Variants in HECW1 observed in about 807,000 individuals in gnomAD.
HECW1 encodes HECT, C2 and WW domain containing E3 ubiquitin protein ligase 1, also known as E3 ubiquitin-protein ligase HECW1.
In HECW1, 61 loss-of-function variants were observed where a neutral mutation model predicts 182.3. That is an observed-to-expected ratio of 0.33 (90% confidence interval 0.27 to 0.41). HECW1 has a LOEUF of 0.41. HECW1 is among the 10% of genes least tolerant of loss of function. HECW1 has a pLI of 1.00. For missense variants in HECW1, 1,739 were observed against 2,108.9 expected (o/e 0.82, Z 3.44); for synonymous variants, 859 against 832.6 (o/e 1.03, Z -0.55).
chr7:43,458,166 G>T (rs1371815744), intron 13 of HECW1, among the ~76,000 whole-genome samples: 2 of 152,216 alleles, frequency 1.3e-5, no homozygotes. Context: ...CTTACATAGA[G>T]ACCCTGTTGA....
chr7:43,322,184 C>T (rs775576346), intron 5 of HECW1, among the ~76,000 whole-genome samples: 1 of 152,316 alleles, frequency 6.6e-6, no homozygotes, highest in Non-Finnish European at 1.5e-5. Flanking sequence ...ATTCTGCTGA[C>T]TCAGCCTCCC....
At chr7:43,556,730 G>A (rs534279998) in intron 29 of HECW1, among the ~76,000 whole-genome samples, 11 of 151,602 alleles carry the variant, frequency 7.3e-5, no homozygotes, top group South Asian at 2.1e-4. Context: ...AGAAAAGACC[G>A]TGCTGAGGAG....
chr7:43,219,905 G>A (rs919523328), intron 2 of HECW1, among the ~76,000 whole-genome samples: 20 of 152,240 alleles, frequency 1.3e-4, no homozygotes, highest in African/African-American at 4.6e-4. Context: ...TCTTTTGTGG[G>A]CAGGAAATGG....
Position 43,508,079 on chromosome 7 carries a change from C to A in HECW1, c.3814C>A (p.Arg1272=), listed in dbSNP as rs760419912. ...CTTCAATCAGGTGATGGCCTATTCG[C>A]GGAAAGAGCTCCAGCGAAACAAGCT... ...GTFNQVMAYS[R]KELQRNKLYV... The change falls in exon 23 of 30, where the codon CGG becomes AGG. Residue 1272 remains arginine (R), a synonymous_variant. Coordinates refer to ENST00000395891, the MANE Select transcript of HECW1 (RefSeq NM_015052.5). 3 of 1,613,978 alleles carry A rather than the reference C, an allele frequency of 1.9e-6. No homozygotes were observed. The highest frequency in any genetic ancestry group is 2.5e-6 in the Non-Finnish European group (3 of 1,179,918).
At position 43,564,411 on chromosome 7, in the gene HECW1, A is replaced by G. The variant is rs1252086838; in HGVS notation, c.*2485A>G. 3 of 182,520 alleles carry G rather than the reference A, an allele frequency of 1.6e-5. No individual in the cohort carries two copies. Among genetic ancestry groups the G allele is most frequent in the East Asian group, 8.9e-5 (1 of 11,296 alleles). 11.3% of individuals were successfully genotyped at this position (182,520 alleles called of 1,614,324 possible). ...AATTAGATTAATTAATATCTAATCT[A>G]CCCATATACAAAAGGAATGCAGTAT... On this transcript the variant is annotated 3_prime_UTR_variant, in exon 30 of 30. Coordinates refer to ENST00000395891, the MANE Select transcript of HECW1 (RefSeq NM_015052.5).
Position 43,444,043 on chromosome 7 carries a change from C to G in HECW1, c.1046-175C>G, listed in dbSNP as rs2076967900. On this transcript the variant is annotated intron_variant, in intron 10 of 29. Coordinates refer to ENST00000395891, the MANE Select transcript of HECW1 (RefSeq NM_015052.5). The surrounding 1 kb of genome is among the most constrained non-coding windows in gnomAD (Gnocchi z 4.3). ...CAAGTTGTTGTTAACATAGCAAGAA[C>G]TCATTCTTACAGAATTTTTCACTAG... 6.6e-6 allele frequency among the ~76,000 whole-genome samples: 1 copy of G among 152,206 alleles called. No individual in the cohort carries two copies. Among genetic ancestry groups the G allele is most frequent in the Non-Finnish European group, 1.5e-5 (1 of 68,044 alleles).
chr7:43,366,201 G>A (rs748946141), intron 6 of HECW1, among the ~76,000 whole-genome samples: 10 of 151,968 alleles, frequency 6.6e-5, no homozygotes, highest in Middle Eastern at 3.4e-3. Context: ...AGAGGTAAGA[G>A]TTGACACTAT....
At chr7:43,290,939 A>T (rs796998849) in intron 3 of HECW1, among the ~76,000 whole-genome samples, 6 of 152,316 alleles carry the variant, frequency 3.9e-5, no homozygotes, top group African/African-American at 1.4e-4. Flanking sequence ...AGGAGCCAGG[A>T]TGAAGTTTCC....
intron 24 of HECW1, among the ~76,000 whole-genome samples, chr7:43,521,353 A>G (rs1229155491): frequency 2.0e-5 from 3 of 152,154 alleles, no homozygotes; most frequent in African/African-American, 7.2e-5. Flanking sequence ...CATTGCCACA[A>G]TTCTCCTAGG....
chr7:43,534,240 G>T (rs542491793), intron 24 of HECW1, among the ~76,000 whole-genome samples: 3 of 152,086 alleles, frequency 2.0e-5, no homozygotes, highest in Non-Finnish European at 4.4e-5. Context: ...AAACTATCCC[G>T]CTTCCCCTTC....
chr7:43,180,350 T>G (rs1456814692), intron 2 of HECW1, among the ~76,000 whole-genome samples: 3 of 139,578 alleles, frequency 2.1e-5, no homozygotes, highest in African/African-American at 8.3e-5. Flanking sequence ...TTGACTTATA[T>G]TTTTATTGCT....
At chr7:43,440,862 T>G (rs1164336551) in intron 9 of HECW1, among the ~76,000 whole-genome samples, 1 of 125,642 alleles carries the variant, frequency 8.0e-6, no homozygotes, top group Non-Finnish European at 1.7e-5. Flanking sequence ...AAATCATGGC[T>G]TATCAAAGAA....
At chr7:43,209,729 G>A (rs1413345589) in intron 2 of HECW1, among the ~76,000 whole-genome samples, 2 of 152,176 alleles carry the variant, frequency 1.3e-5, no homozygotes, top group Non-Finnish European at 2.9e-5. Context: ...AAGAAAATTG[G>A]TTATTTGAGT....
chr7:43,501,530 G>C (rs1352811975), intron 21 of HECW1, among the ~76,000 whole-genome samples: 1 of 152,046 alleles, frequency 6.6e-6, no homozygotes, highest in African/African-American at 2.4e-5. Context: ...AGTTTGAAAT[G>C]GTTGGGAAAA....
chr7:43,246,662 T>C (rs1294593783), intron 3 of HECW1, among the ~76,000 whole-genome samples: 1 of 152,228 alleles, frequency 6.6e-6, no homozygotes, highest in East Asian at 1.9e-4. Flanking sequence ...ACAAGTATCT[T>C]GTCACCCAAA....
At chr7:43,119,009 A>G (rs1158877496) in intron 2 of HECW1, 1 of 152,234 alleles carries the variant, frequency 6.6e-6, no homozygotes, top group Non-Finnish European at 1.5e-5. Flanking sequence ...GCCTCTAAAG[A>G]CATATTTTAT....
chr7:43,191,281 C>G (rs887722592), intron 2 of HECW1, among the ~76,000 whole-genome samples: 2 of 152,164 alleles, frequency 1.3e-5, no homozygotes, highest in African/African-American at 4.8e-5. Flanking sequence ...AAGAGTACCC[C>G]CAGACTAGAA....
intron 3 of HECW1, among the ~76,000 whole-genome samples, chr7:43,265,425 G>A (rs138027323): frequency 1.3e-5 from 2 of 152,220 alleles, no homozygotes; most frequent in Non-Finnish European, 2.9e-5. Context: ...GAAGAGCACA[G>A]ATTTTATTAC....
chr7:43,532,777 C>T (rs2081044524), intron 24 of HECW1, among the ~76,000 whole-genome samples: 2 of 152,298 alleles, frequency 1.3e-5, no homozygotes, highest in South Asian at 2.1e-4. Context: ...CCAAAAGAAA[C>T]CTGGAGCCCA....
Sources: allele counts gnomAD v4.1 joint callset (sites outside exome capture counted in the v4.1 genomes callset), GRCh38; gene constraint gnomAD v4.1.1; non-coding constraint Gnocchi (gnomAD v3.1); transcripts MANE v1.5; gene names NCBI Gene and HGNC (gene_info 2026-07-23, HGNC 2026-07-21).